The following BBIP1 variants were observed in gnomAD, a reference collection of about 807,000 sequenced individuals.
The protein encoded by BBIP1 is BBSome-interacting protein 1.
Under a neutral mutation model 8.9 loss-of-function variants are expected in BBIP1, and 6 were observed. The ratio of observed to expected loss-of-function variants is 0.67; its 90% CI spans 0.37 to 1.33. BBIP1 has a LOEUF of 1.33. Among genes scored for constraint, BBIP1 ranks in the 40% most tolerant of loss-of-function variants. The probability of loss-of-function intolerance (pLI) is 0.02; values close to 1 mark genes in which losing one functional copy is unlikely to be tolerated. For synonymous variants in BBIP1, 32 were observed against 33.4 expected (o/e 0.96, Z 0.14); for missense variants, 111 against 109.2 (o/e 1.02, Z -0.07).
At chr10:110,907,763 C>G (rs1355618674) in intron 2 of BBIP1, 10 of 702,420 alleles carry the variant, frequency 1.4e-5, no homozygotes, top group African/African-American at 7.0e-5. Context: ...GTGATTGATA[C>G]AATAACCACG....
chr10:110,904,104 T>C (rs375731236), intron 2 of BBIP1: 1 of 152,238 alleles, frequency 6.6e-6, no homozygotes, highest in Non-Finnish European at 1.5e-5. Flanking sequence ...CTGTAAGCAG[T>C]TGTGGCTACT....
chr10:110,916,436 G>GT (rs1468231015), intron 2 of BBIP1, among the ~76,000 whole-genome samples: 28 of 152,222 alleles, frequency 1.8e-4, no homozygotes, highest in African/African-American at 6.3e-4. Flanking sequence ...GGCAGAGAAC[G>GT]TATCTAGTGT....
intron 2 of BBIP1, among the ~76,000 whole-genome samples, chr10:110,914,639 C>G (rs569679045): frequency 2.5e-4 from 38 of 152,280 alleles, no homozygotes; most frequent in African/African-American, 8.7e-4. Context: ...ACAGCAGATT[C>G]TATTCTGCTT....
chr10:110,916,319 CATGATCAAATA>C, intron 2 of BBIP1, among the ~76,000 whole-genome samples: 1 of 152,190 alleles, frequency 6.6e-6, no homozygotes, highest in African/African-American at 2.4e-5. Context: ...ACTTATCTTT[CATGATCAAATA>C]TAAGTCTAGG....
At chr10:110,917,194 A>ATTTTT (rs67066048) in intron 2 of BBIP1, among the ~76,000 whole-genome samples, 70 of 107,966 alleles carry the variant, frequency 6.5e-4, no homozygotes, top group Non-Finnish European at 1.0e-3. Flanking sequence ...CTGGATCCTG[A>ATTTTT]TTTTTTTTTT....
At chr10:110,910,731 T>C (rs568838690) in intron 2 of BBIP1, 1 of 152,300 alleles carries the variant, frequency 6.6e-6, no homozygotes, top group Non-Finnish European at 1.5e-5. Context: ...ATTGTGGATA[T>C]ACCCATATTA....
At chr10:110,914,674 A>G (rs947369579) in intron 2 of BBIP1, among the ~76,000 whole-genome samples, 6 of 152,150 alleles carry the variant, frequency 3.9e-5, no homozygotes, top group African/African-American at 1.4e-4. Context: ...TGCTGGTAGA[A>G]AAATGTTGCA....
At chr10:110,909,581 G>A (rs1846225559) in intron 2 of BBIP1, among the ~76,000 whole-genome samples, 1 of 152,224 alleles carries the variant, frequency 6.6e-6, no homozygotes, top group Non-Finnish European at 1.5e-5. Flanking sequence ...GAAAAAGACA[G>A]AATCCTTCGC....
intron 2 of BBIP1, chr10:110,907,540 A>AG (rs1407139248): frequency 4.4e-5 from 22 of 496,160 alleles, no homozygotes; most frequent in Non-Finnish European, 7.4e-5. Flanking sequence ...AGAAAAGAAA[A>AG]GAAAGAAAAA....
chr10:110,910,337 G>T (rs778521231), intron 2 of BBIP1, among the ~76,000 whole-genome samples: 4 of 152,154 alleles, frequency 2.6e-5, no homozygotes, highest in Admixed American at 6.5e-5. Context: ...CAGGTATTGT[G>T]GTGGGACTGA....
At chr10:110,908,497 G>A (rs1367860268) in intron 2 of BBIP1, among the ~76,000 whole-genome samples, 2 of 152,164 alleles carry the variant, frequency 1.3e-5, no homozygotes, top group Admixed American at 1.3e-4. Context: ...ATCTTATATT[G>A]AAATTTTAAT....
chr10:110,915,057 A>G (rs887436629), intron 2 of BBIP1, among the ~76,000 whole-genome samples: 1 of 152,260 alleles, frequency 6.6e-6, no homozygotes, highest in African/African-American at 2.4e-5. Context: ...CTTAAAGCCC[A>G]GTCCCCAAAT....
intron 2 of BBIP1, among the ~76,000 whole-genome samples, chr10:110,909,231 C>T (rs1846215046): frequency 6.6e-6 from 1 of 151,358 alleles, no homozygotes; most frequent in South Asian, 2.1e-4. Flanking sequence ...CGGAGTCTTG[C>T]TCTGGCACCA....
chr10:110,902,360 G>A (rs1846025728), intron 2 of BBIP1: 1 of 152,356 alleles, frequency 6.6e-6, no homozygotes, highest in Non-Finnish European at 1.5e-5. Context: ...TATGCTGTGT[G>A]TTCAAGGTGT....
chr10:110,902,825 G>A (rs1255888709), intron 2 of BBIP1: 2 of 151,990 alleles, frequency 1.3e-5, no homozygotes, highest in Non-Finnish European at 2.9e-5. Flanking sequence ...AATGGAATGT[G>A]AAATAAATAC....
chr10:110,907,761 TAC>T (rs1846181909), intron 2 of BBIP1: 1 of 702,462 alleles, frequency 1.4e-6, no homozygotes, highest in African/African-American at 1.7e-5. Context: ...TGGTGATTGA[TAC>T]AATAACCACG....
intron 2 of BBIP1, among the ~76,000 whole-genome samples, chr10:110,917,378 A>G (rs1846434655): frequency 6.6e-6 from 1 of 152,132 alleles, no homozygotes. Context: ...GGAAATCTTA[A>G]GGGTGTCTTG....
intron 2 of BBIP1, chr10:110,910,774 G>A (rs1846257072): frequency 6.6e-6 from 1 of 152,228 alleles, no homozygotes; most frequent in Non-Finnish European, 1.5e-5. Context: ...AGAAGGTTGA[G>A]AAGGAATAGT....
Position 110,914,942 on chromosome 10 carries a change from T to C in BBIP1, c.37+3179A>G, listed in dbSNP as rs79445680. ...CAGTGGTCCTAAAAATGTTAGCTAT[T>C]AACCTTTTAAAAAAAGTATTTGCTC... On this transcript the variant is annotated intron_variant, in intron 2 of 3. Coordinates refer to ENST00000448814, the MANE Select transcript of BBIP1 (RefSeq NM_001195305.3). Among the ~76,000 whole-genome samples, 735 of 152,310 alleles carry C rather than the reference T, an allele frequency of 4.8e-3. 6 individuals are homozygous for C. Among genetic ancestry groups the C allele is most frequent in the African/African-American group, 0.017 (694 of 41,560 alleles).
Sources: gnomAD v4.1 joint callset for allele counts (sites outside exome capture counted in the v4.1 genomes callset) on GRCh38, gnomAD v4.1.1 for gene constraint, MANE v1.5 for transcripts, NCBI Gene and HGNC (gene_info 2026-07-23, HGNC 2026-07-21) for gene names.